SMAD2: variants seen among roughly 807,000 people sequenced by gnomAD.
SMAD2 encodes SMAD family member 2.
Under a neutral mutation model 64.4 loss-of-function variants are expected in SMAD2, and 8 were observed. That is an observed-to-expected ratio of 0.12 (90% confidence interval 0.07 to 0.22). The LOEUF (loss-of-function observed/expected upper bound fraction) is 0.22, where lower values mean the gene tolerates loss of function less well. SMAD2 is among the 10% of genes least tolerant of loss of function. The probability of loss-of-function intolerance (pLI) is 1.00; values close to 1 mark genes in which losing one functional copy is unlikely to be tolerated. For synonymous variants in SMAD2, 203 were observed against 195.8 expected (o/e 1.04, Z -0.31); for missense variants, 289 against 561.2 (o/e 0.51, Z 4.90).
chr18:47,860,455 T>A (rs559535048), intron 6 of SMAD2, among the ~76,000 whole-genome samples: 2,624 of 150,428 alleles, frequency 0.017, 66 homozygotes, highest in African/African-American at 0.059. Flanking sequence ...AAAAAAAAAA[T>A]TTTTTTTTGT....
chr18:47,821,195 C>G lies in SMAD2; in HGVS notation c.*20632G>C, dbSNP rs1402843600. The G allele has an allele frequency of 6.6e-6, 1 of 152,146 alleles. No homozygotes were observed. The highest frequency in any genetic ancestry group is 1.5e-5 in the Non-Finnish European group (1 of 68,008). The allele number at this position is 152,146 out of a possible 1,614,324, so 9.4% of individuals were successfully genotyped here. On this transcript the variant is annotated 3_prime_UTR_variant, in exon 11 of 11. Transcript: ENST00000262160. Reference sequence around the variant, plus strand: ...CTTGAAGATCCTGATTTATATCTCACAAGTTCAACCTTTGCTGTATCTTGC... The same window carrying G: ...CTTGAAGATCCTGATTTATATCTCAGAAGTTCAACCTTTGCTGTATCTTGC...
intron 1 of SMAD2, chr18:47,930,103 T>A (rs1301515307): frequency 1.3e-5 from 2 of 151,968 alleles, no homozygotes; most frequent in Non-Finnish European, 2.9e-5. Context: ...AACTATGGAG[T>A]GTGAGAGCAG....
In SMAD2 at chr18:47,816,115, G is replaced by A. The variant is rs770858169; in HGVS notation, c.*25712C>T. On this transcript the variant is annotated 3_prime_UTR_variant, in exon 11 of 11. Coordinates refer to ENST00000262160, the MANE Select transcript of SMAD2 (RefSeq NM_005901.6). ...CTTGGCTTCTAGAGCCCGGAGATAA[G>A]ATCAGCTTCCCTTGAAAATGTTAGC... The A allele has an allele frequency of 2.0e-5, 3 of 152,176 alleles. No homozygotes were observed. Among genetic ancestry groups the A allele is most frequent in the Non-Finnish European group, 4.4e-5 (3 of 68,036 alleles). 9.4% of individuals were successfully genotyped at this position (152,176 alleles called of 1,614,324 possible).
At position 47,840,887 on chromosome 18, in the gene SMAD2, G is replaced by C. The variant is rs1913878499; in HGVS notation, c.*940C>G. On this transcript the variant is annotated 3_prime_UTR_variant, in exon 11 of 11. Coordinates refer to ENST00000262160, the MANE Select transcript of SMAD2 (RefSeq NM_005901.6). ...CTGCCACCTATGCATTTTTTATGAG[G>C]TGGAAGGATAAATCAACAGACTGCT... 1 of 232,212 alleles carries C rather than the reference G, an allele frequency of 4.3e-6. No homozygotes were observed. Among genetic ancestry groups the C allele is most frequent in the African/African-American group, 2.2e-5 (1 of 45,284 alleles). 14.4% of individuals were successfully genotyped at this position (232,212 alleles called of 1,614,324 possible). A position where few individuals can be genotyped will look rare whatever the true frequency, so the allele number is the denominator to read the frequency against.
intron 6 of SMAD2, among the ~76,000 whole-genome samples, chr18:47,854,755 T>C (rs1319525783): frequency 6.6e-6 from 1 of 152,052 alleles, no homozygotes; most frequent in East Asian, 1.9e-4. Context: ...GAACAGAAAG[T>C]ACAAAAAGCT....
chr18:47,849,813 G>A (rs1914920130), intron 7 of SMAD2, among the ~76,000 whole-genome samples: 1 of 151,948 alleles, frequency 6.6e-6, no homozygotes, highest in Non-Finnish European at 1.5e-5. Flanking sequence ...TTTGAGACCA[G>A]CCTGGGCAAC....
At chr18:47,855,114 T>C (rs915599403) in intron 6 of SMAD2, among the ~76,000 whole-genome samples, 1 of 152,196 alleles carries the variant, frequency 6.6e-6, no homozygotes, top group Non-Finnish European at 1.5e-5. Flanking sequence ...ACATCTTCCA[T>C]AGGTTTTTGG....
intron 1 of SMAD2, among the ~76,000 whole-genome samples, chr18:47,918,905 T>C (rs2034442273): frequency 6.6e-6 from 1 of 151,996 alleles, no homozygotes. Flanking sequence ...CAAACAGAGA[T>C]GCAGAGTAGG....
At chr18:47,884,846 CTT>C (rs2032798567) in intron 2 of SMAD2, among the ~76,000 whole-genome samples, 1 of 152,034 alleles carries the variant, frequency 6.6e-6, no homozygotes, top group Non-Finnish European at 1.5e-5. Context: ...TTGAAAAAAA[CTT>C]TCTCAATATT....
intron 6 of SMAD2, among the ~76,000 whole-genome samples, chr18:47,854,528 TTTCTG>T (rs962291968): frequency 6.6e-6 from 1 of 152,216 alleles, no homozygotes; most frequent in African/African-American, 2.4e-5. Flanking sequence ...AAACAGTGTA[TTTCTG>T]TTCTTTTAGC....
chr18:47,922,061 T>A lies in SMAD2; in HGVS notation c.-54+8300A>T, dbSNP rs145138352. Among the ~76,000 whole-genome samples the A allele has an allele frequency of 6.3e-3, 964 of 152,256 alleles. 10 individuals are homozygous for A. Among genetic ancestry groups the A allele is most frequent in the African/African-American group, 0.022 (917 of 41,540 alleles). On this transcript the variant is annotated intron_variant, in intron 1 of 10. Coordinates refer to ENST00000262160, the MANE Select transcript of SMAD2 (RefSeq NM_005901.6). ...TGAAAAAGAATGGTTAAAAAATATG[T>A]TTGCAAAGTTGAAGTCAAGAACAGA...
chr18:47,903,095 C>T (rs111697803), intron 1 of SMAD2, among the ~76,000 whole-genome samples: 2,829 of 152,142 alleles, frequency 0.019, 80 homozygotes, highest in African/African-American at 0.064. Flanking sequence ...AAAATCTACC[C>T]TCATCAATGG....
intron 8 of SMAD2, among the ~76,000 whole-genome samples, chr18:47,846,647 A>T (rs1045230937): frequency 2.0e-5 from 3 of 152,204 alleles, no homozygotes; most frequent in African/African-American, 7.2e-5. Context: ...GCACCATGTG[A>T]CAAGGAATTC....
chr18:47,850,636 T>C (rs1416668058), intron 7 of SMAD2, among the ~76,000 whole-genome samples: 2 of 57,970 alleles, frequency 3.5e-5, no homozygotes, highest in Non-Finnish European at 5.5e-5. Context: ...ATATATATTA[T>C]ATATATTATG....
chr18:47,901,724 C>T lies in SMAD2; in HGVS notation c.-53-4915G>A, dbSNP rs973779484. Among the ~76,000 whole-genome samples, 4 of 152,136 alleles carry T rather than the reference C, an allele frequency of 2.6e-5. No homozygotes were observed. In the East Asian group the frequency reaches 5.8e-4, roughly 22 times the overall value. On this transcript the variant is annotated intron_variant, in intron 1 of 10. Transcript: ENST00000262160. ...AGCAGTTTTGCTATGAAGGAGACTA[C>T]CTCTGGTTTGTCCCTGTTCCTAGGA...
intron 2 of SMAD2, chr18:47,886,700 A>C (rs2032928621): frequency 6.6e-6 from 1 of 152,666 alleles, no homozygotes. Flanking sequence ...TTCAGTTCTA[A>C]TTTAAGTATT....
intron 2 of SMAD2, among the ~76,000 whole-genome samples, chr18:47,892,130 T>G (rs2033224307): frequency 6.6e-6 from 1 of 152,150 alleles, no homozygotes; most frequent in Admixed American, 6.5e-5. Flanking sequence ...TATGATTATG[T>G]GGTATCTTAT....
chr18:47,850,255 TTATGTATAATATATATTATA>T (rs1171418325), intron 7 of SMAD2, among the ~76,000 whole-genome samples: 2 of 80,644 alleles, frequency 2.5e-5, no homozygotes, highest in African/African-American at 1.1e-4. Flanking sequence ...ATTATATATA[TTATGTATAATATATATTATA>T]TATTATATAT....
intron 2 of SMAD2, among the ~76,000 whole-genome samples, chr18:47,880,135 T>C (rs2032500941): frequency 6.6e-6 from 1 of 152,248 alleles, no homozygotes; most frequent in African/African-American, 2.4e-5. Context: ...TGTATTTTAA[T>C]AATATGTTTT....
Sources: gnomAD v4.1 joint callset for allele counts (sites outside exome capture counted in the v4.1 genomes callset) on GRCh38, gnomAD v4.1.1 for gene constraint, MANE v1.5 for transcripts, NCBI Gene and HGNC (gene_info 2026-07-23, HGNC 2026-07-21) for gene names.